Variants in FHIP1A observed in about 807,000 individuals in gnomAD.
FHIP1A encodes the protein FHF complex subunit HOOK interacting protein 1A.
FHIP1A carries 61 observed loss-of-function variants against 88.6 expected under a neutral mutation model. That is an observed-to-expected ratio of 0.69 (90% CI 0.56 to 0.85). The LOEUF (loss-of-function observed/expected upper bound fraction) is 0.85. FHIP1A is among the 40% of genes least tolerant of loss of function. The probability of loss-of-function intolerance (pLI) is 0.00; values close to 1 mark genes in which losing one functional copy is unlikely to be tolerated. For missense variants in FHIP1A, 1,154 were observed against 1,273.5 expected, an observed-to-expected ratio of 0.91 and a Z score of 1.43; for synonymous variants, 478 against 496.0, an observed-to-expected ratio of 0.96 and a Z score of 0.48.
chr4:151,472,855 T>C (rs1580607098), intron 2 of FHIP1A, among the ~76,000 whole-genome samples: 1 of 152,208 alleles, frequency 6.6e-6, no homozygotes. Context: ...TTTTGAATGC[T>C]GAAATGTAGA....
chr4:151,433,100 GGCCTGAAATACCA>G (rs1733657771), intron 1 of FHIP1A, among the ~76,000 whole-genome samples: 1 of 152,112 alleles, frequency 6.6e-6, no homozygotes, highest in Non-Finnish European at 1.5e-5. Context: ...TTTCGGGTTA[GGCCTGAAATACCA>G]GCTTGCTTCA....
intron 7 of FHIP1A, among the ~76,000 whole-genome samples, chr4:151,627,114 T>G (rs1441213465): frequency 6.6e-6 from 1 of 152,168 alleles, no homozygotes; most frequent in Non-Finnish European, 1.5e-5. Context: ...GGTTATTCGT[T>G]TAAGGTGAGT....
In FHIP1A at chr4:151,656,871, GAT is replaced by G. The variant is rs1737264237; in HGVS notation, c.2845_2846del (p.Met949AspfsTer42). The G allele has an allele frequency of 1.3e-6, 2 of 1,551,548 alleles. No individual in the cohort carries two copies. The highest frequency in any genetic ancestry group is 1.7e-6 in the Non-Finnish European group (2 of 1,146,980). On this transcript the variant is annotated frameshift_variant, in exon 13 of 14. Coordinates refer to ENST00000435205, the MANE Select transcript of FHIP1A (RefSeq NM_001109977.3). LOFTEE classifies it high-confidence loss of function. This position sits in a 1 kb window ranked among gnomAD's most constrained non-coding sequence, Gnocchi z 4.2. ...CCTGCTCTTCCGTGTGGACATGTCT[GAT>G]ATGACCCCTGCAGCACTAACCAAAG... The part of the protein sequence containing the change: ...QYLLFRVDMS[D>X]MTPAALTKDP...
rs1456329100 is a variant in FHIP1A at position 151,578,000 on chromosome 4, T to G, written c.656T>G (p.Leu219Trp). ...GTAGGCCAGCAAGCTCGGGATGCAT[T>G]GCTCTTCATCATGTCTCTTTCTGCT... is the stretch of plus-strand genomic sequence containing the variant. ...GSVGQQARDA[L>W]LFIMSLSAEN... The change falls in exon 5 of 14, where the codon TTG becomes TGG. Residue 219 changes from leucine (L) to tryptophan (W), a missense_variant. Transcript: ENST00000435205. The G allele has an allele frequency of 6.4e-7, 1 of 1,551,300 alleles. No individual in the cohort carries two copies.
rs1258452569 is a variant in FHIP1A at position 151,511,731 on chromosome 4, G to A, written c.-123+29083G>A. Reference sequence around the variant, plus strand: ...ACTGCAAGGTGTCAGTGAGGCTGGGGGAGGGGCGCCCGCCATTGCCCAGGC... The same window carrying A: ...ACTGCAAGGTGTCAGTGAGGCTGGGAGAGGGGCGCCCGCCATTGCCCAGGC... On this transcript the variant is annotated intron_variant, in intron 3 of 13. Transcript: ENST00000435205. Among the ~76,000 whole-genome samples the A allele has an allele frequency of 9.8e-5, 15 of 152,376 alleles. No homozygotes were observed. In the East Asian group the frequency reaches 2.9e-3, roughly 29 times the overall value.
At chr4:151,484,811 A>G (rs1730020040) in intron 3 of FHIP1A, among the ~76,000 whole-genome samples, 2 of 152,190 alleles carry the variant, frequency 1.3e-5, no homozygotes, top group South Asian at 2.1e-4. Flanking sequence ...TGAATATGCT[A>G]TTTCAGGGTT....
At chr4:151,474,404 A>G (rs1580608564) in intron 2 of FHIP1A, among the ~76,000 whole-genome samples, 1 of 152,214 alleles carries the variant, frequency 6.6e-6, no homozygotes, top group Non-Finnish European at 1.5e-5. Context: ...GGGTTTGATT[A>G]AATTATAAAA....
At chr4:151,412,617 TCCCTCCCTCCCTC>T (rs1732704143) in intron 1 of FHIP1A, among the ~76,000 whole-genome samples, 3 of 116,198 alleles carry the variant, frequency 2.6e-5, no homozygotes, top group Admixed American at 9.0e-5. Flanking sequence ...CCTTCCTCCC[TCCCTCCCTCCCTC>T]CCTCCCTCCC....
intron 7 of FHIP1A, among the ~76,000 whole-genome samples, chr4:151,628,512 G>A (rs1736036513): frequency 1.3e-5 from 2 of 152,144 alleles, no homozygotes; most frequent in African/African-American, 4.8e-5. Flanking sequence ...AAATTAAAAG[G>A]GGAAGAGGAA....
intron 3 of FHIP1A, among the ~76,000 whole-genome samples, chr4:151,501,816 T>TA (rs1282223187): frequency 1.3e-5 from 2 of 150,238 alleles, no homozygotes; most frequent in African/African-American, 4.9e-5. Flanking sequence ...TTTTTTTTTT[T>TA]AAATATATTC....
At chr4:151,496,160 G>A (rs1246657889) in intron 3 of FHIP1A, among the ~76,000 whole-genome samples, 2 of 151,378 alleles carry the variant, frequency 1.3e-5, no homozygotes, top group Non-Finnish European at 2.9e-5. Flanking sequence ...TTTGTTTAGA[G>A]ATATTTCCTC....
At chr4:151,627,361 T>G (rs144796253) in intron 7 of FHIP1A, among the ~76,000 whole-genome samples, 1 of 152,306 alleles carries the variant, frequency 6.6e-6, no homozygotes, top group African/African-American at 2.4e-5. Context: ...CTGAGACTTG[T>G]AGTCTAAGGA....
At chr4:151,426,088 G>C (rs1056855994) in intron 1 of FHIP1A, among the ~76,000 whole-genome samples, 1 of 152,042 alleles carries the variant, frequency 6.6e-6, no homozygotes, top group Non-Finnish European at 1.5e-5. Flanking sequence ...CATGAGATTT[G>C]CTTTTAAAAA....
At chr4:151,633,797 A>G (rs1316906512) in intron 8 of FHIP1A, among the ~76,000 whole-genome samples, 1 of 151,904 alleles carries the variant, frequency 6.6e-6, no homozygotes, top group African/African-American at 2.4e-5. Context: ...ATATAAAGAA[A>G]CAACTACAAC....
intron 2 of FHIP1A, among the ~76,000 whole-genome samples, chr4:151,467,115 A>G (rs1402459990): frequency 3.9e-5 from 6 of 152,244 alleles, no homozygotes; most frequent in Non-Finnish European, 7.3e-5. Context: ...TCTAAAAGGA[A>G]CTTAAATAAA....
intron 3 of FHIP1A, among the ~76,000 whole-genome samples, chr4:151,514,598 A>G (rs1731158848): frequency 6.6e-6 from 1 of 152,172 alleles, no homozygotes; most frequent in Admixed American, 6.5e-5. Flanking sequence ...TCAAATAGAC[A>G]CAATAAAAAA....
chr4:151,623,496 C>T (rs1027534011), intron 7 of FHIP1A, among the ~76,000 whole-genome samples: 4 of 148,766 alleles, frequency 2.7e-5, no homozygotes. Context: ...CTTTTGCCAC[C>T]AACACTCCCG....
At chr4:151,439,962 C>T (rs1361958400) in intron 1 of FHIP1A, among the ~76,000 whole-genome samples, 1 of 152,036 alleles carries the variant, frequency 6.6e-6, no homozygotes, top group Non-Finnish European at 1.5e-5. Context: ...TGTATTAGTC[C>T]GTTCTCACAT....
chr4:151,583,743 T>A (rs1734108313), intron 5 of FHIP1A, among the ~76,000 whole-genome samples: 1 of 152,214 alleles, frequency 6.6e-6, no homozygotes, highest in Non-Finnish European at 1.5e-5. Context: ...TTTAAAAAAA[T>A]GTGGCATCAA....
Sources: gnomAD v4.1 joint callset for allele counts (sites outside exome capture counted in the v4.1 genomes callset) on GRCh38, gnomAD v4.1.1 for gene constraint, Gnocchi (gnomAD v3.1) non-coding constraint, MANE v1.5 for transcripts, NCBI Gene and HGNC (gene_info 2026-07-23, HGNC 2026-07-21) for gene names.